The following CSMD2 variants were observed in gnomAD, a reference collection of about 807,000 sequenced individuals.
CSMD2 encodes CUB and Sushi multiple domains 2, also known as CUB and sushi domain-containing protein 2.
In CSMD2, 130 loss-of-function variants were observed where a neutral mutation model predicts 398.5. The ratio of observed to expected loss-of-function variants is 0.33; its 90% CI spans 0.28 to 0.38. The LOEUF is 0.38. CSMD2 is among the 10% of genes least tolerant of loss of function. CSMD2 has a pLI of 1.00. For missense variants in CSMD2, 3,829 were observed against 4,764.9 expected (o/e 0.80, Z 5.78); for synonymous variants, 1,828 against 1,908.5 (o/e 0.96, Z 1.10).
chr1:33,941,809 T>G (rs1159524189), intron 3 of CSMD2, among the ~76,000 whole-genome samples: 1 of 151,972 alleles, frequency 6.6e-6, no homozygotes, highest in Non-Finnish European at 1.5e-5. Context: ...TCCTCTCCAT[T>G]CAACTGATAT....
chr1:33,698,772 C>T lies in CSMD2; in HGVS notation c.3906G>A (p.Arg1302=), dbSNP rs375031668. ...CLSGERRTWD[R]PLPTCVAECG... ...TCCTACCGACACAGGTGGGCAGAGG[C>T]CGGTCCCAGGTCCGGCGCTCTCCAC... The change falls in exon 24 of 71, where the codon CGG becomes CGA. Residue 1302 remains arginine, a synonymous_variant. Coordinates refer to ENST00000373381, the MANE Select transcript of CSMD2 (RefSeq NM_001281956.2). 3 of 1,612,142 alleles carry T rather than the reference C, an allele frequency of 1.9e-6. No individual in the cohort carries two copies. Among genetic ancestry groups the T allele is most frequent in the Non-Finnish European group, 2.5e-6 (3 of 1,179,006 alleles).
intron 2 of CSMD2, among the ~76,000 whole-genome samples, chr1:34,059,513 T>C (rs1386347337): frequency 6.6e-6 from 1 of 152,204 alleles, no homozygotes; most frequent in Non-Finnish European, 1.5e-5. Flanking sequence ...TTCTGTCTGT[T>C]TCCTAGTTTA....
chr1:33,611,755 C>G (rs1357482337), intron 40 of CSMD2, among the ~76,000 whole-genome samples: 1 of 152,174 alleles, frequency 6.6e-6, no homozygotes, highest in African/African-American at 2.4e-5. Context: ...AAAGTTTCTA[C>G]TTTGGGATCT....
intron 20 of CSMD2, among the ~76,000 whole-genome samples, chr1:33,715,242 G>T (rs16835742): frequency 0.088 from 13,455 of 152,160 alleles, 806 homozygotes; most frequent in South Asian, 0.15. Context: ...CAACCAGCAG[G>T]TTCTAGAAGG....
At chr1:33,958,549 A>T (rs1455385291) in intron 3 of CSMD2, among the ~76,000 whole-genome samples, 1 of 152,154 alleles carries the variant, frequency 6.6e-6, no homozygotes, top group East Asian at 1.9e-4. Flanking sequence ...TCCAAAAAGA[A>T]ATTCTCCTGG....
chr1:33,948,408 A>G (rs1290503001), intron 3 of CSMD2, among the ~76,000 whole-genome samples: 2 of 152,178 alleles, frequency 1.3e-5, no homozygotes, highest in African/African-American at 4.8e-5. Context: ...AACATGCACA[A>G]ATCCATCCAT....
chr1:34,137,968 C>G (rs1638919906), intron 1 of CSMD2, among the ~76,000 whole-genome samples: 1 of 152,172 alleles, frequency 6.6e-6, no homozygotes. Context: ...CAACAAGCTG[C>G]TATTAAGAGG....
intron 1 of CSMD2, among the ~76,000 whole-genome samples, chr1:34,106,358 G>A (rs1052655372): frequency 6.6e-5 from 10 of 152,138 alleles, no homozygotes; most frequent in African/African-American, 2.4e-4. Context: ...TCTAACATTT[G>A]CAATGACCCT....
chr1:34,032,577 A>G lies in CSMD2; in HGVS notation c.517+17T>C, dbSNP rs1324936506. ...ATCACATCTCCGGCTCCTGTGGCCG[A>G]TGAGGGAGGCACTTACCTTCATAGG... On this transcript the variant is annotated intron_variant, in intron 3 of 70. Transcript: ENST00000373381. 14 of 1,516,330 alleles carry G rather than the reference A, an allele frequency of 9.2e-6. No individual in the cohort carries two copies. The highest frequency in any genetic ancestry group is 1.3e-5 in the Non-Finnish European group (14 of 1,117,368). The allele number at this position is 1,516,330 out of a possible 1,614,324, so 93.9% of individuals were successfully genotyped here.
chr1:34,111,645 C>G (rs1661086940), intron 1 of CSMD2, among the ~76,000 whole-genome samples: 6 of 152,180 alleles, frequency 3.9e-5, no homozygotes, highest in Admixed American at 3.9e-4. Flanking sequence ...AAATGGGGAT[C>G]AGGGTAAGTA....
At chr1:33,816,699 A>T (rs1238264338) in intron 9 of CSMD2, among the ~76,000 whole-genome samples, 6 of 152,144 alleles carry the variant, frequency 3.9e-5, no homozygotes, top group Admixed American at 3.3e-4. Flanking sequence ...GTCAAATTAG[A>T]AGCTTATTTC....
At chr1:33,792,251 C>T (rs924105843) in intron 11 of CSMD2, among the ~76,000 whole-genome samples, 172 bp downstream of exon 11, 1 of 152,174 alleles carries the variant, frequency 6.6e-6, no homozygotes, top group Non-Finnish European at 1.5e-5. Context: ...GTGCTCTTTT[C>T]CCCTTGGTCA....
At chr1:33,703,684 G>A (rs1034708610) in intron 22 of CSMD2, among the ~76,000 whole-genome samples, 10 of 152,160 alleles carry the variant, frequency 6.6e-5, no homozygotes, top group African/African-American at 2.4e-4. Flanking sequence ...AGTTTCTCTA[G>A]AGCATACATC....
chr1:33,527,103 C>A (rs1353267651), intron 65 of CSMD2, 93 bp downstream of exon 65: 3 of 1,123,528 alleles, frequency 2.7e-6, no homozygotes, highest in Non-Finnish European at 4.1e-6. Flanking sequence ...TTCCTCTAGG[C>A]ACTCAGCAAC....
intron 13 of CSMD2, among the ~76,000 whole-genome samples, chr1:33,767,828 C>T (rs1650712729): frequency 6.6e-6 from 1 of 152,130 alleles, no homozygotes; most frequent in South Asian, 2.1e-4. Context: ...ATACTCTGGC[C>T]TAGTATTTTT....
intron 5 of CSMD2, chr1:33,873,696 G>A (rs573670236): frequency 1.3e-5 from 2 of 152,280 alleles, no homozygotes; most frequent in Admixed American, 1.3e-4. Flanking sequence ...CCGCCCTAGT[G>A]GACACCTTGA....
At chr1:33,604,625 C>T (rs577162397) in intron 42 of CSMD2, among the ~76,000 whole-genome samples, 181 of 152,184 alleles carry the variant, frequency 1.2e-3, no homozygotes, top group Non-Finnish European at 1.8e-3. Flanking sequence ...TTCTGCCACT[C>T]CTCCAGGAAA....
intron 49 of CSMD2, among the ~76,000 whole-genome samples, chr1:33,573,251 G>A (rs1011593144): frequency 2.0e-5 from 3 of 152,080 alleles, no homozygotes; most frequent in African/African-American, 7.2e-5. Flanking sequence ...AATAACAAAC[G>A]TAATCCACAT....
intron 11 of CSMD2, among the ~76,000 whole-genome samples, chr1:33,790,738 T>C (rs1049976460): frequency 6.6e-6 from 1 of 152,082 alleles, no homozygotes; most frequent in Non-Finnish European, 1.5e-5. Context: ...TCATCTATCA[T>C]CTATTTATCA....
Sources: gnomAD v4.1 joint callset for allele counts (sites outside exome capture counted in the v4.1 genomes callset) on GRCh38, gnomAD v4.1.1 for gene constraint, MANE v1.5 for transcripts, NCBI Gene and HGNC (gene_info 2026-07-23, HGNC 2026-07-21) for gene names.